The following VDR variants were observed in gnomAD, a reference collection of about 807,000 sequenced individuals.
VDR encodes the protein vitamin D3 receptor.
Under a neutral mutation model 39.7 loss-of-function variants are expected in VDR, and 19 were observed. The ratio of observed to expected loss-of-function variants is 0.48; its 90% CI spans 0.33 to 0.70. VDR has a LOEUF of 0.70. VDR is among the 30% of genes least tolerant of loss of function. The probability of loss-of-function intolerance (pLI) is 0.02; values close to 1 mark genes in which losing one functional copy is unlikely to be tolerated. For missense variants in VDR, 442 were observed against 570.5 expected, an observed-to-expected ratio of 0.77 and a Z score of 2.29; for synonymous variants, 242 against 215.8, an observed-to-expected ratio of 1.12 and a Z score of -1.07.
At chr12:47,887,482 A>G (rs1392610313) in intron 1 of VDR, among the ~76,000 whole-genome samples, 1 of 152,206 alleles carries the variant, frequency 6.6e-6, no homozygotes, top group Non-Finnish European at 1.5e-5. Flanking sequence ...TATAATGCTT[A>G]TGTTGTGAGT....
intron 3 of VDR, among the ~76,000 whole-genome samples, chr12:47,865,483 C>T (rs1303328593): frequency 6.6e-6 from 1 of 152,194 alleles, no homozygotes; most frequent in African/African-American, 2.4e-5. Flanking sequence ...ATGATCTCAG[C>T]TCACTGCAGG....
intron 4 of VDR, among the ~76,000 whole-genome samples, chr12:47,860,696 G>T (rs968941254): frequency 6.6e-5 from 10 of 152,150 alleles, no homozygotes; most frequent in Non-Finnish European, 1.2e-4. Flanking sequence ...TGGCGTGCTG[G>T]GCTTTGGAGT....
intron 4 of VDR, among the ~76,000 whole-genome samples, chr12:47,861,900 A>G (rs1945633083): frequency 6.6e-6 from 1 of 152,282 alleles, no homozygotes; most frequent in South Asian, 2.1e-4. Flanking sequence ...AACCACAGGA[A>G]GAGGACATAA....
intron 3 of VDR, among the ~76,000 whole-genome samples, chr12:47,872,574 G>T (rs1945905102): frequency 6.6e-6 from 1 of 152,170 alleles, no homozygotes; most frequent in Non-Finnish European, 1.5e-5. Flanking sequence ...CAGCCCCTGT[G>T]CTAGTTACAG....
intron 2 of VDR, among the ~76,000 whole-genome samples, chr12:47,879,856 T>C (rs887875038): frequency 6.6e-6 from 1 of 152,198 alleles, no homozygotes; most frequent in South Asian, 2.1e-4. Flanking sequence ...TTTTCAGAGA[T>C]GGTTTTTCTA....
Position 47,877,417 on chromosome 12 carries a change from T to A in VDR, c.146+1551A>T, listed in dbSNP as rs560357299. Among the ~76,000 whole-genome samples, 8 of 152,298 alleles carry A rather than the reference T, an allele frequency of 5.3e-5. No homozygotes were observed. The South Asian group carries it at 1.7e-3, about 32-fold the overall frequency. On this transcript the variant is annotated intron_variant, in intron 3 of 9. Transcript: ENST00000549336. ...ACTTTTTTACATGTCATCTCATTAATCCTCAGATTAACACTATGTAGCAGA... is the reference window on the plus strand; with the variant it reads ...ACTTTTTTACATGTCATCTCATTAAACCTCAGATTAACACTATGTAGCAGA...
At chr12:47,889,264 C>G (rs530916908) in intron 1 of VDR, among the ~76,000 whole-genome samples, 184 of 152,166 alleles carry the variant, frequency 1.2e-3, no homozygotes, top group Non-Finnish European at 1.8e-3. Flanking sequence ...CCAGTACCCC[C>G]AATCGCCTGC....
chr12:47,844,976 T>G lies in VDR; in HGVS notation c.1054A>C (p.Ile352Leu). ...DRPGVQDAAL[I>L]EAIQDRLSNT... ...GACAGGCGGTCCTGGATGGCCTCAA[T>G]CAGCGCGGCGTCCTGCACCCCAGGA... The change falls in exon 10 of 10, where the codon ATT becomes CTT. Residue 352 changes from isoleucine to leucine, a missense_variant. This residue lies in a region of VDR where 173 missense variants were observed against 252.0 expected (regional missense o/e 0.69). Coordinates refer to ENST00000549336, the MANE Select transcript of VDR (RefSeq NM_000376.3). 6.2e-7 allele frequency: 1 copy of G among 1,613,404 alleles called. No individual in the cohort carries two copies. Among genetic ancestry groups the G allele is most frequent in the Non-Finnish European group, 8.5e-7 (1 of 1,179,928 alleles).
intron 7 of VDR, among the ~76,000 whole-genome samples, chr12:47,853,446 TA>T (rs60854792): frequency 0.028 from 3,162 of 112,502 alleles, 78 homozygotes; most frequent in African/African-American, 0.073. Context: ...CTGCCTCAAT[TA>T]AAAAAAAAAA....
intron 3 of VDR, among the ~76,000 whole-genome samples, chr12:47,871,127 C>T (rs999666884): frequency 8.5e-5 from 13 of 152,084 alleles, no homozygotes; most frequent in African/African-American, 3.1e-4. Context: ...GTTAAACACA[C>T]AGACATTTTA....
At position 47,857,604 on chromosome 12, in the gene VDR, C is replaced by T. The variant is rs200765991; in HGVS notation, c.362G>A (p.Arg121Gln). Reference sequence around the variant, plus strand: ...CTGCTGCTCCTCAGACAGCTTGGGCCGCAGACTGTCCTTCAAGGCCTCCTC... The same window carrying T: ...CTGCTGCTCCTCAGACAGCTTGGGCTGCAGACTGTCCTTCAAGGCCTCCTC... ...KEEEALKDSL[R>Q]PKLSEEQQRI... Residue 121 changes from arginine to glutamine, a missense_variant, in exon 5 of 10, where the codon CGG (arginine) becomes CAG (glutamine). By Grantham distance (43) the Arg-to-Gln change is conservative. Transcript: ENST00000549336. 2.0e-4 allele frequency: 317 copies of T among 1,614,074 alleles called. No homozygotes were observed. The highest frequency in any genetic ancestry group is 2.0e-4 in the Non-Finnish European group (235 of 1,180,038).
At chr12:47,890,852 A>G (rs991638390) in intron 1 of VDR, among the ~76,000 whole-genome samples, 1 of 152,146 alleles carries the variant, frequency 6.6e-6, no homozygotes, top group Non-Finnish European at 1.5e-5. Context: ...AGATGTCTAC[A>G]GATGTGGTCA....
At chr12:47,889,115 G>T (rs74085274) in intron 1 of VDR, among the ~76,000 whole-genome samples, 1 of 152,002 alleles carries the variant, frequency 6.6e-6, no homozygotes, top group East Asian at 2.0e-4. Flanking sequence ...CTCCCTTACT[G>T]CGTGGCCTTG....
intron 1 of VDR, chr12:47,904,462 T>TAA (rs17886628): frequency 0.03 from 10,536 of 355,140 alleles, 10 homozygotes; most frequent in East Asian, 0.07. Flanking sequence ...CAAAGAAAAG[T>TAA]AAAAAAAAAA....
rs566629045 is a variant in VDR, at chr12:47,877,680, T to C, written c.146+1288A>G. Among the ~76,000 whole-genome samples, 4 of 152,260 alleles carry C rather than the reference T, an allele frequency of 2.6e-5. No homozygotes were observed. In the East Asian group the frequency reaches 7.7e-4, roughly 29 times the overall value. On this transcript the variant is annotated intron_variant, in intron 3 of 9. Coordinates refer to ENST00000549336, the MANE Select transcript of VDR (RefSeq NM_000376.3). ...AGAGGACCTGGCAGGAAAGGGTCCA[T>C]GTGTCACCTGGGACACACAACTGGG...
chr12:47,877,165 C>A (rs963795379), intron 3 of VDR, among the ~76,000 whole-genome samples: 3 of 152,114 alleles, frequency 2.0e-5, no homozygotes, highest in African/African-American at 7.2e-5. Context: ...ATGGAAGGAT[C>A]GCTTGAGCCC....
chr12:47,868,589 T>A (rs912830763), intron 3 of VDR, among the ~76,000 whole-genome samples: 1 of 152,256 alleles, frequency 6.6e-6, no homozygotes, highest in Admixed American at 6.5e-5. Context: ...CGAGATACAA[T>A]TATCCCCACA....
chr12:47,859,100 G>A (rs1945555414), intron 4 of VDR, among the ~76,000 whole-genome samples: 1 of 152,198 alleles, frequency 6.6e-6, no homozygotes, highest in African/African-American at 2.4e-5. Context: ...GGAGAGGAAG[G>A]GGCAGGGAGC....
chr12:47,882,892 T>C (rs1378569738), intron 1 of VDR, 118 bp from the exon 2 acceptor site: 2 of 756,050 alleles, frequency 2.6e-6, no homozygotes, highest in Non-Finnish European at 4.2e-6. Context: ...GATCAGTGAC[T>C]GCAAACAGAA....
Sources: gnomAD v4.1 joint callset for allele counts (sites outside exome capture counted in the v4.1 genomes callset) on GRCh38, gnomAD v4.1.1 for gene constraint, gnomAD v4.1.1 regional missense constraint, MANE v1.5 for transcripts, NCBI Gene and HGNC (gene_info 2026-07-23, HGNC 2026-07-21) for gene names.